The following LINGO2 variants were observed in gnomAD, a reference collection of about 807,000 sequenced individuals.
LINGO2 encodes the protein leucine-rich repeat and immunoglobulin-like domain-containing nogo receptor-interacting protein 2.
A neutral mutation model predicts 30.6 loss-of-function variants in LINGO2; 14 were observed. The observed-to-expected ratio is 0.46, with a 90% CI of 0.30 to 0.72. The LOEUF is 0.72. Among genes scored for constraint, LINGO2 ranks in the 30% least tolerant of loss-of-function variants. The pLI is 0.07. For missense variants in LINGO2, 729 were observed against 751.7 expected (o/e 0.97, Z 0.35); for synonymous variants, 317 against 288.5 (o/e 1.10, Z -1.00).
At position 27,976,937 on chromosome 9, in the gene LINGO2, C is replaced by A. The variant is rs887989234; in HGVS notation, c.-35-26231G>T. On this transcript the variant is annotated intron_variant, in intron 5 of 5. Transcript: ENST00000379992. The stretch of plus-strand genomic sequence containing the variant: ...ACTTTCTGTGTATTTTTTTTTAAAT[C>A]TAAGTTTGTTTCTAAATACATAAAT... 3.3e-5 allele frequency among the ~76,000 whole-genome samples: 5 copies of A among 151,550 alleles called. No individual in the cohort carries two copies. The East Asian group carries it at 9.7e-4, about 30-fold the overall frequency.
At chr9:28,987,089 T>TG in the LINGO2 span, among the ~76,000 whole-genome samples, 4 of 150,804 alleles carry the variant, frequency 2.7e-5, no homozygotes, top group African/African-American at 9.7e-5. Flanking sequence ...TTTTTTTTTT[T>TG]TGGTGGAGTC....
intron 1 of LINGO2, among the ~76,000 whole-genome samples, chr9:28,568,788 A>G (rs1413211176): frequency 6.6e-6 from 1 of 152,064 alleles, no homozygotes; most frequent in Non-Finnish European, 1.5e-5. Context: ...ACTTACCTAG[A>G]TAAACTAAAT....
At chr9:29,058,000 C>T in the LINGO2 span, among the ~76,000 whole-genome samples, 3 of 151,996 alleles carry the variant, frequency 2.0e-5, no homozygotes, top group Non-Finnish European at 4.4e-5. Context: ...GAATAATCTA[C>T]GCAGAAATAC....
chr9:28,268,520 C>A (rs916811674), intron 4 of LINGO2, among the ~76,000 whole-genome samples: 4 of 152,022 alleles, frequency 2.6e-5, no homozygotes, highest in African/African-American at 7.2e-5. Flanking sequence ...AACTAGAGGT[C>A]TTACATTTTA....
At chr9:28,001,337 T>A (rs145184563) in intron 5 of LINGO2, among the ~76,000 whole-genome samples, 4 of 152,162 alleles carry the variant, frequency 2.6e-5, no homozygotes, top group African/African-American at 9.7e-5. Flanking sequence ...GAATAGCAAC[T>A]GATGTAACAG....
At chr9:29,142,831 C>A in the LINGO2 span, among the ~76,000 whole-genome samples, 2 of 151,754 alleles carry the variant, frequency 1.3e-5, no homozygotes, top group African/African-American at 4.8e-5. Flanking sequence ...AAATAAAAAG[C>A]GTCCATTGAG....
At chr9:28,355,519 T>C (rs990823849) in intron 3 of LINGO2, among the ~76,000 whole-genome samples, 1 of 152,038 alleles carries the variant, frequency 6.6e-6, no homozygotes, top group South Asian at 2.1e-4. Context: ...AAAACACACA[T>C]ATATTTCCAC....
At chr9:29,123,683 CTTA>C in the LINGO2 span, among the ~76,000 whole-genome samples, 7 of 152,052 alleles carry the variant, frequency 4.6e-5, no homozygotes, top group Middle Eastern at 3.4e-3. Context: ...ATTTTAATAT[CTTA>C]TTATTTCATA....
At chr9:28,812,030 C>A in the LINGO2 span, among the ~76,000 whole-genome samples, 1 of 151,744 alleles carries the variant, frequency 6.6e-6, no homozygotes, top group Non-Finnish European at 1.5e-5. Context: ...TTTCTGAAGT[C>A]ACTGCAGCAG....
At chr9:28,101,227 T>G (rs1327335761) in intron 4 of LINGO2, among the ~76,000 whole-genome samples, 2 of 152,222 alleles carry the variant, frequency 1.3e-5, no homozygotes, top group African/African-American at 4.8e-5. Context: ...TTTCTCTTTA[T>G]AGTTAGACCT....
At chr9:28,061,111 C>CT (rs1034597508) in intron 4 of LINGO2, among the ~76,000 whole-genome samples, 32 of 151,014 alleles carry the variant, frequency 2.1e-4, no homozygotes, top group Non-Finnish European at 4.3e-4. Context: ...TTTTCAATTT[C>CT]TTTTTTTCCT....
At chr9:28,623,708 A>AT (rs541368128) in intron 1 of LINGO2, among the ~76,000 whole-genome samples, 9 of 151,048 alleles carry the variant, frequency 6.0e-5, no homozygotes, top group Admixed American at 2.0e-4. Flanking sequence ...AAATTTCAGG[A>AT]TTTTTTTTTC....
intron 4 of LINGO2, among the ~76,000 whole-genome samples, chr9:28,233,571 T>C (rs1054371249): frequency 2.0e-5 from 3 of 152,202 alleles, no homozygotes; most frequent in Admixed American, 1.3e-4. Context: ...GTGACTTTGA[T>C]CTTCAAAGTA....
chr9:28,855,590 T>C, the LINGO2 span, among the ~76,000 whole-genome samples: 3 of 151,988 alleles, frequency 2.0e-5, no homozygotes, highest in Non-Finnish European at 4.4e-5. Flanking sequence ...TATTTTCTCT[T>C]ACTAATGCAA....
At chr9:28,844,769 A>G in the LINGO2 span, among the ~76,000 whole-genome samples, 8 of 151,844 alleles carry the variant, frequency 5.3e-5, no homozygotes, top group Non-Finnish European at 1.2e-4. Flanking sequence ...TTTAATATTC[A>G]TAGCTTTTAT....
chr9:28,366,906 CA>C (rs1198729535), intron 3 of LINGO2, among the ~76,000 whole-genome samples: 18 of 152,040 alleles, frequency 1.2e-4, no homozygotes, highest in Admixed American at 1.2e-3. Context: ...GGCTTACTCT[CA>C]CCTCTTATAT....
chr9:28,659,658 A>G (rs575055830), intron 1 of LINGO2, among the ~76,000 whole-genome samples: 13 of 152,058 alleles, frequency 8.5e-5, no homozygotes, highest in Non-Finnish European at 1.9e-4. Flanking sequence ...CATGTTGCCC[A>G]GGCTGATCTT....
rs191582170 is a variant in LINGO2, at chr9:28,203,102, C to T, written c.-87+92106G>A. 2.2e-3 allele frequency among the ~76,000 whole-genome samples: 341 copies of T among 152,250 alleles called. 4 individuals carry two copies. The highest frequency in any genetic ancestry group is 7.5e-3 in the African/African-American group (312 of 41,552). On this transcript the variant is annotated intron_variant, in intron 4 of 5. Coordinates refer to ENST00000379992, the Ensembl canonical transcript of LINGO2. ...TTACAATGAAATGTATAGCCTTCCA[C>T]CTATAATGATTGAGACTATATTTAA... is the stretch of plus-strand genomic sequence containing the variant.
the LINGO2 span, among the ~76,000 whole-genome samples, chr9:28,951,770 AT>A: frequency 6.6e-6 from 1 of 152,048 alleles, no homozygotes; most frequent in Non-Finnish European, 1.5e-5. Context: ...GCTTCCTGAG[AT>A]TACTCTCTCT....
Sources: allele counts gnomAD v4.1 joint callset (sites outside exome capture counted in the v4.1 genomes callset), GRCh38; gene constraint gnomAD v4.1.1; transcripts MANE v1.5; gene names NCBI Gene and HGNC (gene_info 2026-07-23, HGNC 2026-07-21).